The following ZNF124 variants were observed in gnomAD, a reference collection of about 807,000 sequenced individuals.
The protein encoded by ZNF124 is zinc finger protein HZF-16.
Under a neutral mutation model 26.6 loss-of-function variants are expected in ZNF124, and 25 were observed. The observed-to-expected ratio is 0.94, with a 90% CI of 0.68 to 1.31. The LOEUF is 1.31. Among genes scored for constraint, ZNF124 ranks in the 40% most tolerant of loss-of-function variants. The pLI, the probability that ZNF124 is intolerant of heterozygous loss-of-function variation, is 0.00. For missense variants in ZNF124, 444 were observed against 422.2 expected (o/e 1.05, Z -0.45); for synonymous variants, 129 against 133.3 (o/e 0.97, Z 0.22).
chr1:247,168,975 A>G lies in ZNF124; in HGVS notation c.30+2873T>C, dbSNP rs1267047089. ...TCCTTGTAACCAAAAACCACCTGCT[A>G]CCCCAAATGTATTGATATAACATTA... On this transcript the variant is annotated intron_variant, in intron 1 of 3. Transcript: ENST00000543802. This position sits in a 1 kb window ranked among gnomAD's most constrained non-coding sequence, Gnocchi z 4.0. Among the ~76,000 whole-genome samples, 1 of 152,138 alleles carries G rather than the reference A, an allele frequency of 6.6e-6. No individual in the cohort carries two copies. The highest frequency in any genetic ancestry group is 2.4e-5 in the African/African-American group (1 of 41,430).
chr1:247,137,243 C>A (rs1166289736), intron 3 of ZNF124, among the ~76,000 whole-genome samples: 1 of 151,252 alleles, frequency 6.6e-6, no homozygotes, highest in Non-Finnish European at 1.5e-5. Context: ...GAAAACTAGC[C>A]AGCCATATGC....
intron 1 of ZNF124, 131 bp from the exon 2 acceptor site, chr1:247,159,944 C>G (rs935063436): frequency 6.8e-6 from 6 of 877,606 alleles, no homozygotes; most frequent in Non-Finnish European, 9.8e-6. Flanking sequence ...AGAACTATGA[C>G]TCTGTCTACA....
At chr1:247,125,494 A>AATGGTGC (rs1650360391) in intron 3 of ZNF124, among the ~76,000 whole-genome samples, 1 of 124,382 alleles carries the variant, frequency 8.0e-6, no homozygotes, top group Admixed American at 9.6e-5. Flanking sequence ...CCCAGGCTGG[A>AATGGTGC]GATCTCCACT....
rs1323811280 is a variant in ZNF124 at position 247,155,410 on chromosome 1, A to T, written c.*1156T>A. The stretch of plus-strand genomic sequence containing the variant: ...TTTAAATATTTAAAAAATATTTTTT[A>T]AAATGGCTATGCAAGAAAAAAGGAA... On this transcript the variant is annotated 3_prime_UTR_variant, in exon 4 of 4. Transcript: ENST00000543802. 6.6e-6 allele frequency among the ~76,000 whole-genome samples: 1 copy of T among 152,040 alleles called. No individual in the cohort carries two copies. Among genetic ancestry groups the T allele is most frequent in the Non-Finnish European group, 1.5e-5 (1 of 68,006 alleles).
intron 3 of ZNF124, among the ~76,000 whole-genome samples, chr1:247,134,823 TATTCTC>T (rs533207270): frequency 1.1e-4 from 16 of 152,242 alleles, no homozygotes; most frequent in Non-Finnish European, 1.9e-4. Context: ...ACATGGCACT[TATTCTC>T]AAATCAACCA....
intron 3 of ZNF124, among the ~76,000 whole-genome samples, chr1:247,157,919 C>T (rs115260494): frequency 0.02 from 3,040 of 150,688 alleles, 110 homozygotes; most frequent in African/African-American, 0.069. Flanking sequence ...AGTGACTTCT[C>T]GCTCTATTAG....
intron 3 of ZNF124, among the ~76,000 whole-genome samples, chr1:247,128,779 C>T (rs1672278024): frequency 6.7e-6 from 1 of 149,822 alleles, no homozygotes; most frequent in East Asian, 2.0e-4. Flanking sequence ...GAAACCCCGC[C>T]CCGCAGTGAG....
rs374388105 is a variant in ZNF124, at chr1:247,161,659, GA to G, written c.31-1847del. 4.0e-3 allele frequency among the ~76,000 whole-genome samples: 605 copies of G among 150,492 alleles called. 5 individuals are homozygous for G. Among genetic ancestry groups the G allele is most frequent in the African/African-American group, 0.014 (556 of 41,116 alleles). On this transcript the variant is annotated intron_variant, in intron 1 of 3. Coordinates refer to ENST00000543802, the MANE Select transcript of ZNF124 (RefSeq NM_001297568.2). ...GAATGAAAACATGATTAAAAAATGG[GA>G]AAAAAAAGCAAAAGATACATAACAA...
chr1:247,125,700 G>A (rs1672201901), intron 3 of ZNF124, among the ~76,000 whole-genome samples: 1 of 151,908 alleles, frequency 6.6e-6, no homozygotes. Context: ...AGGCGCCACC[G>A]CACCCAGCCA....
At chr1:247,167,064 A>G (rs1673821356) in intron 1 of ZNF124, among the ~76,000 whole-genome samples, 2 of 152,262 alleles carry the variant, frequency 1.3e-5, no homozygotes, top group Non-Finnish European at 2.9e-5. Flanking sequence ...ATGCAGGAAA[A>G]GTATTTGGCA....
At chr1:247,139,969 T>C (rs969309650) in intron 3 of ZNF124, among the ~76,000 whole-genome samples, 44 of 152,146 alleles carry the variant, frequency 2.9e-4, no homozygotes, top group African/African-American at 2.2e-4. Context: ...TTGTGTGTCT[T>C]GGGGATGATT....
At chr1:247,144,247 C>T (rs540656011) in intron 3 of ZNF124, among the ~76,000 whole-genome samples, 1 of 152,314 alleles carries the variant, frequency 6.6e-6, no homozygotes, top group East Asian at 1.9e-4. Context: ...ATTAGTGTAT[C>T]TCATTCAGCA....
intron 3 of ZNF124, among the ~76,000 whole-genome samples, chr1:247,137,434 G>C (rs966805789): frequency 7.5e-6 from 1 of 133,186 alleles, no homozygotes; most frequent in Non-Finnish European, 1.6e-5. Flanking sequence ...ATGAGGTTAG[G>C]CATTCGAGAT....
chr1:247,160,275 C>T (rs938710204), intron 1 of ZNF124, among the ~76,000 whole-genome samples: 8 of 152,310 alleles, frequency 5.3e-5, no homozygotes, highest in Non-Finnish European at 7.4e-5. Context: ...TGAGCCACCG[C>T]GCTCAGCCAG....
intron 3 of ZNF124, among the ~76,000 whole-genome samples, chr1:247,145,065 C>T (rs1000919305): frequency 6.6e-6 from 1 of 152,146 alleles, no homozygotes; most frequent in African/African-American, 2.4e-5. Context: ...TGGGCCACTG[C>T]GCCTGGCCAG....
intron 3 of ZNF124, among the ~76,000 whole-genome samples, chr1:247,130,186 G>T (rs189323406): frequency 6.6e-6 from 1 of 152,178 alleles, no homozygotes; most frequent in African/African-American, 2.4e-5. Context: ...ATTTTCAAAA[G>T]GCCAAGAAAG....
At chr1:247,128,143 C>A (rs1200344867) in intron 3 of ZNF124, among the ~76,000 whole-genome samples, 4 of 152,234 alleles carry the variant, frequency 2.6e-5, no homozygotes. Context: ...TGCATTTGAA[C>A]CAGATGCAGT....
chr1:247,163,000 A>G (rs1309847927), intron 1 of ZNF124, among the ~76,000 whole-genome samples: 3 of 152,200 alleles, frequency 2.0e-5, no homozygotes, highest in East Asian at 3.8e-4. Flanking sequence ...TCAGCTGCAC[A>G]TGGCACATAC....
At chr1:247,167,509 C>A (rs1257925132) in intron 1 of ZNF124, among the ~76,000 whole-genome samples, 1 of 152,152 alleles carries the variant, frequency 6.6e-6, no homozygotes, top group African/African-American at 2.4e-5. Flanking sequence ...TTTCCTATTT[C>A]TCTTCCCTGG....
Sources: gnomAD v4.1 joint callset for allele counts (sites outside exome capture counted in the v4.1 genomes callset) on GRCh38, gnomAD v4.1.1 for gene constraint, Gnocchi (gnomAD v3.1) non-coding constraint, MANE v1.5 for transcripts, NCBI Gene and HGNC (gene_info 2026-07-23, HGNC 2026-07-21) for gene names.